Variants in DPF3 observed in about 807,000 individuals in gnomAD.
The protein encoded by DPF3 is double PHD fingers 3.
A neutral mutation model predicts 56.8 loss-of-function variants in DPF3; 18 were observed. The observed-to-expected ratio is 0.32, with a 90% CI of 0.22 to 0.47. The LOEUF is 0.47. DPF3 is among the 20% of genes least tolerant of loss of function. DPF3 has a pLI of 1.00. For missense variants in DPF3, 403 were observed against 488.8 expected, an observed-to-expected ratio of 0.82 and a Z score of 1.65; for synonymous variants, 188 against 180.2, an observed-to-expected ratio of 1.04 and a Z score of -0.35.
rs1170806494 is a variant in DPF3, at chr14:72,612,573, G to A, written c.*6724C>T. 1 of 460,684 alleles carries A rather than the reference G, an allele frequency of 2.2e-6. No individual in the cohort carries two copies. Among genetic ancestry groups the A allele is most frequent in the Non-Finnish European group, 4.1e-6 (1 of 242,926 alleles). 28.5% of individuals were successfully genotyped at this position (460,684 alleles called of 1,614,324 possible). A position where few individuals can be genotyped will look rare whatever the true frequency, so the allele number is the denominator to read the frequency against. The stretch of plus-strand genomic sequence containing the variant: ...ACTCCTTAGCATCTATCACGGCAGA[G>A]GGAAGGGAGGAAACAGTGCAGGGAA... On this transcript the variant is annotated 3_prime_UTR_variant, in exon 11 of 11. Transcript: ENST00000556509.
intron 2 of DPF3, among the ~76,000 whole-genome samples, chr14:72,765,573 C>T (rs547658139): frequency 6.6e-6 from 1 of 152,240 alleles, no homozygotes; most frequent in East Asian, 1.9e-4. Flanking sequence ...TACTACTCAG[C>T]ATAAAAAGGA....
intron 8 of DPF3, among the ~76,000 whole-genome samples, chr14:72,639,270 A>T (rs1885473981): frequency 6.6e-6 from 1 of 152,180 alleles, no homozygotes; most frequent in South Asian, 2.1e-4. Context: ...CTGAAGTTTC[A>T]AAGAGGAATG....
intron 2 of DPF3, among the ~76,000 whole-genome samples, chr14:72,761,966 C>G (rs1349685068): frequency 6.6e-6 from 1 of 151,488 alleles, no homozygotes; most frequent in Non-Finnish European, 1.5e-5. Flanking sequence ...ATAAAAGAAA[C>G]AAAATCACAT....
intron 8 of DPF3, among the ~76,000 whole-genome samples, chr14:72,639,479 T>G (rs1885479776): frequency 6.6e-6 from 1 of 152,240 alleles, no homozygotes; most frequent in Non-Finnish European, 1.5e-5. Context: ...ATAAAAAGAC[T>G]GCAACTTTCA....
At chr14:72,773,947 G>C (rs1419470207) in intron 1 of DPF3, 1 of 455,170 alleles carries the variant, frequency 2.2e-6, no homozygotes, top group Non-Finnish European at 4.4e-6. Context: ...TAGCTATTCT[G>C]AATAATGCTG....
intron 2 of DPF3, among the ~76,000 whole-genome samples, chr14:72,769,678 C>CAA (rs59586674): frequency 0.1 from 4,078 of 40,922 alleles, 311 homozygotes; most frequent in African/African-American, 0.25. Flanking sequence ...GACTCCATCT[C>CAA]AAAAAAAAAA....
chr14:72,687,186 A>G (rs1311639278), intron 7 of DPF3, among the ~76,000 whole-genome samples: 1 of 152,310 alleles, frequency 6.6e-6, no homozygotes, highest in East Asian at 1.9e-4. Context: ...ACAGAGGTGA[A>G]AAGCCTAACT....
At chr14:72,647,511 A>T (rs1885762058) in intron 8 of DPF3, among the ~76,000 whole-genome samples, 1 of 152,224 alleles carries the variant, frequency 6.6e-6, no homozygotes, top group Non-Finnish European at 1.5e-5. Flanking sequence ...CCAAGATAAG[A>T]TCTTTTAGAA....
chr14:72,791,684 C>A (rs1892438056), intron 1 of DPF3, among the ~76,000 whole-genome samples: 1 of 152,228 alleles, frequency 6.6e-6, no homozygotes, highest in Admixed American at 6.5e-5. Flanking sequence ...GTGGCAGGTT[C>A]TGGGTTGCCA....
chr14:72,688,995 GA>G (rs1887553614), intron 7 of DPF3, among the ~76,000 whole-genome samples: 1 of 152,070 alleles, frequency 6.6e-6, no homozygotes, highest in African/African-American at 2.4e-5. Context: ...ATACTCAGGA[GA>G]AAATGAGAGA....
At chr14:72,764,710 C>G (rs531721719) in intron 2 of DPF3, among the ~76,000 whole-genome samples, 81 of 152,002 alleles carry the variant, frequency 5.3e-4, no homozygotes, top group African/African-American at 1.6e-3. Flanking sequence ...CCAGGATGGT[C>G]TCGATCTTCT....
intron 1 of DPF3, among the ~76,000 whole-genome samples, chr14:72,881,723 C>T (rs1886334106): frequency 6.6e-6 from 1 of 152,020 alleles, no homozygotes; most frequent in Non-Finnish European, 1.5e-5. Flanking sequence ...CCATGCACTG[C>T]TGAGCCGGCC....
intron 1 of DPF3, among the ~76,000 whole-genome samples, chr14:72,870,983 A>G (rs989949362): frequency 2.0e-5 from 2 of 100,900 alleles, no homozygotes; most frequent in African/African-American, 9.0e-5. Context: ...GTTTAATTGG[A>G]CTTAAAGTCC....
chr14:72,651,355 A>G (rs1352951727), intron 8 of DPF3, among the ~76,000 whole-genome samples: 1 of 152,170 alleles, frequency 6.6e-6, no homozygotes. Context: ...GCACATCAGA[A>G]GCCAGGGCCA....
intron 1 of DPF3, among the ~76,000 whole-genome samples, chr14:72,805,274 C>T (rs1231036626): frequency 6.6e-6 from 1 of 151,700 alleles, no homozygotes; most frequent in Non-Finnish European, 1.5e-5. Context: ...AGTTTGAGAC[C>T]AGCCTGACCA....
intron 1 of DPF3, among the ~76,000 whole-genome samples, chr14:72,835,862 G>A (rs1037457394): frequency 6.6e-6 from 1 of 152,174 alleles, no homozygotes; most frequent in Non-Finnish European, 1.5e-5. Flanking sequence ...GACAGGAAAG[G>A]AGAAATGGTT....
chr14:72,770,450 A>T (rs1419495965), intron 2 of DPF3, among the ~76,000 whole-genome samples: 3 of 152,242 alleles, frequency 2.0e-5, no homozygotes, highest in Non-Finnish European at 4.4e-5. Flanking sequence ...ATGTTGGCCA[A>T]ATATTTGATG....
Position 72,616,711 on chromosome 14 carries a change from C to T in DPF3, c.*2586G>A, listed in dbSNP as rs1470057853. On this transcript the variant is annotated 3_prime_UTR_variant, in exon 11 of 11. Coordinates refer to ENST00000556509, the MANE Select transcript of DPF3 (RefSeq NM_001280542.3). ...CCAGTGTCACACAGCTACTCCATGG[C>T]AGAGGCAACACAAAAACTCTGATCC... 6.6e-6 allele frequency among the ~76,000 whole-genome samples: 1 copy of T among 152,174 alleles called. No homozygotes were observed. The highest frequency in any genetic ancestry group is 1.5e-5 in the Non-Finnish European group (1 of 68,028).
chr14:72,642,869 A>T (rs1477141235), intron 8 of DPF3, among the ~76,000 whole-genome samples: 2 of 152,264 alleles, frequency 1.3e-5, no homozygotes, highest in Non-Finnish European at 2.9e-5. Context: ...ACCTGCAGCT[A>T]GTATTCTGGC....
Sources: allele counts gnomAD v4.1 joint callset (sites outside exome capture counted in the v4.1 genomes callset), GRCh38; gene constraint gnomAD v4.1.1; transcripts MANE v1.5; gene names NCBI Gene and HGNC (gene_info 2026-07-23, HGNC 2026-07-21).